HS6ST3: variants seen among roughly 807,000 people sequenced by gnomAD.
HS6ST3 encodes the protein heparan-sulfate 6-O-sulfotransferase 3.
HS6ST3 carries 12 observed loss-of-function variants against 36.7 expected under a neutral mutation model. The observed-to-expected ratio is 0.33, with a 90% CI of 0.21 to 0.53. HS6ST3 has a LOEUF of 0.53. Ranked by LOEUF, HS6ST3 falls within the 20% of genes least tolerant of loss-of-function variation. HS6ST3 has a pLI of 0.95. For missense variants in HS6ST3, 584 were observed against 640.9 expected, an observed-to-expected ratio of 0.91 and a Z score of 0.96; for synonymous variants, 240 against 257.5, an observed-to-expected ratio of 0.93 and a Z score of 0.65.
intron 1 of HS6ST3, among the ~76,000 whole-genome samples, chr13:96,295,822 G>GCGC (rs1475092361): frequency 6.6e-6 from 1 of 152,128 alleles, no homozygotes; most frequent in Non-Finnish European, 1.5e-5. Context: ...AAGGTTTGAT[G>GCGC]CGCTGATTGT....
intron 1 of HS6ST3, among the ~76,000 whole-genome samples, chr13:96,131,092 C>T (rs565696084): frequency 2.4e-4 from 36 of 152,266 alleles, no homozygotes; most frequent in East Asian, 1.9e-3. Flanking sequence ...TCTTTCTAGG[C>T]TTTCCTCAGC....
At chr13:96,497,854 A>G (rs2055984956) in intron 1 of HS6ST3, among the ~76,000 whole-genome samples, 2 of 152,164 alleles carry the variant, frequency 1.3e-5, no homozygotes, top group South Asian at 2.1e-4. Context: ...CTGTCACTAT[A>G]TGGAAAACTT....
At chr13:96,366,224 C>G (rs1270560701) in intron 1 of HS6ST3, among the ~76,000 whole-genome samples, 1 of 151,750 alleles carries the variant, frequency 6.6e-6, no homozygotes, top group Non-Finnish European at 1.5e-5. Context: ...GCCTGTAATC[C>G]CAGCACTCTG....
At chr13:96,643,560 TTG>T (rs947904417) in intron 1 of HS6ST3, among the ~76,000 whole-genome samples, 3 of 151,456 alleles carry the variant, frequency 2.0e-5, no homozygotes, top group Admixed American at 6.6e-5. Flanking sequence ...TGCCTCTGAT[TTG>T]TGTGTGTGTG....
chr13:96,817,851 T>C (rs1878454142), intron 1 of HS6ST3, among the ~76,000 whole-genome samples: 1 of 152,170 alleles, frequency 6.6e-6, no homozygotes, highest in Admixed American at 6.5e-5. Context: ...GAAGGGAAAT[T>C]ACAGTTGTGT....
intron 1 of HS6ST3, among the ~76,000 whole-genome samples, chr13:96,739,987 C>T (rs993430757): frequency 3.9e-5 from 6 of 152,132 alleles, no homozygotes; most frequent in Non-Finnish European, 8.8e-5. Context: ...CAAGTCTGTG[C>T]AAATGTCACT....
At chr13:96,745,262 A>G (rs1876535420) in intron 1 of HS6ST3, among the ~76,000 whole-genome samples, 1 of 152,096 alleles carries the variant, frequency 6.6e-6, no homozygotes, top group South Asian at 2.1e-4. Flanking sequence ...TTATAGCCTC[A>G]ATTATTTTAA....
At chr13:96,646,888 T>C (rs1476391245) in intron 1 of HS6ST3, among the ~76,000 whole-genome samples, 1 of 151,976 alleles carries the variant, frequency 6.6e-6, no homozygotes, top group African/African-American at 2.4e-5. Context: ...ACAATTTCAA[T>C]GTACTGGGAA....
intron 1 of HS6ST3, among the ~76,000 whole-genome samples, chr13:96,556,727 T>TA: frequency 6.6e-6 from 1 of 152,318 alleles, no homozygotes; most frequent in Non-Finnish European, 1.5e-5. Context: ...AGGCAGTTTT[T>TA]ATCCTGATTT....
At chr13:96,383,721 G>GA (rs894804816) in intron 1 of HS6ST3, among the ~76,000 whole-genome samples, 1 of 152,052 alleles carries the variant, frequency 6.6e-6, no homozygotes, top group Non-Finnish European at 1.5e-5. Flanking sequence ...CCTCAAAGTG[G>GA]GGGGGACATA....
intron 1 of HS6ST3, among the ~76,000 whole-genome samples, chr13:96,354,371 A>G (rs2055199461): frequency 6.6e-6 from 1 of 152,186 alleles, no homozygotes; most frequent in South Asian, 2.1e-4. Context: ...AACTCAGATA[A>G]AAACAGAGCT....
intron 1 of HS6ST3, among the ~76,000 whole-genome samples, chr13:96,470,334 TTAAA>T (rs1286289712): frequency 6.6e-6 from 1 of 152,190 alleles, no homozygotes; most frequent in Non-Finnish European, 1.5e-5. Flanking sequence ...CCCCCAAATA[TTAAA>T]TAATTTCCTC....
chr13:96,359,911 A>G (rs2139435323), intron 1 of HS6ST3, among the ~76,000 whole-genome samples: 1 of 152,302 alleles, frequency 6.6e-6, no homozygotes, highest in South Asian at 2.1e-4. Flanking sequence ...GCACTGAAGC[A>G]GGAGTTGACA....
chr13:96,787,598 A>G (rs1330864271), intron 1 of HS6ST3, among the ~76,000 whole-genome samples: 1 of 151,952 alleles, frequency 6.6e-6, no homozygotes, highest in African/African-American at 2.4e-5. Context: ...CTGTTCAAAT[A>G]TTTTGCACAT....
At chr13:96,340,321 C>G (rs1414900759) in intron 1 of HS6ST3, among the ~76,000 whole-genome samples, 3 of 152,162 alleles carry the variant, frequency 2.0e-5, no homozygotes, top group African/African-American at 7.2e-5. Flanking sequence ...TGATTCAGAG[C>G]AGTGAGTTTG....
chr13:96,169,185 G>A (rs1266417276), intron 1 of HS6ST3, among the ~76,000 whole-genome samples: 4 of 152,000 alleles, frequency 2.6e-5, no homozygotes, highest in Admixed American at 2.0e-4. Flanking sequence ...AGCTCTGCCC[G>A]CCTTTTACAG....
chr13:96,661,483 A>G, intron 1 of HS6ST3, among the ~76,000 whole-genome samples: 1 of 152,028 alleles, frequency 6.6e-6, no homozygotes, highest in East Asian at 1.9e-4. Context: ...TGAGTCTGTG[A>G]ATGTCTTTAC....
At chr13:96,640,291 T>C (rs2056565859) in intron 1 of HS6ST3, among the ~76,000 whole-genome samples, 1 of 151,990 alleles carries the variant, frequency 6.6e-6, no homozygotes, top group Admixed American at 6.6e-5. Context: ...CTTCTTGTGG[T>C]TTTGGTTTGC....
chr13:96,139,514 C>G (rs115295152), intron 1 of HS6ST3, among the ~76,000 whole-genome samples: 2,442 of 119,416 alleles, frequency 0.02, 68 homozygotes, highest in African/African-American at 0.07. Flanking sequence ...GGAATGAAAC[C>G]CTTTTCCTGA....
Sources: allele counts gnomAD v4.1 joint callset (sites outside exome capture counted in the v4.1 genomes callset), GRCh38; gene constraint gnomAD v4.1.1; transcripts MANE v1.5; gene names NCBI Gene and HGNC (gene_info 2026-07-23, HGNC 2026-07-21).